Variants in WDR27 observed in about 807,000 individuals in gnomAD.
WDR27 encodes the protein WD repeat-containing protein 27.
WDR27 carries 100 observed loss-of-function variants against 114.4 expected under a neutral mutation model. The observed-to-expected ratio is 0.87, with a 90% CI of 0.74 to 1.03. The LOEUF is 1.03. Ranked by LOEUF, WDR27 falls within the 50% of genes least tolerant of loss-of-function variation. The probability of loss-of-function intolerance (pLI) is 0.00; values close to 1 mark genes in which losing one functional copy is unlikely to be tolerated. For missense variants in WDR27, 1,129 were observed against 1,092.9 expected (o/e 1.03, Z -0.47); for synonymous variants, 449 against 423.1 (o/e 1.06, Z -0.75).
At chr6:169,547,842 A>T (rs918868503) in intron 25 of WDR27, among the ~76,000 whole-genome samples, 1 of 152,066 alleles carries the variant, frequency 6.6e-6, no homozygotes, top group Non-Finnish European at 1.5e-5. Context: ...AGGTATACAG[A>T]TTGGTAAAGA....
At position 169,701,971 on chromosome 6, in the gene WDR27, C is replaced by T. The variant is rs1788207160; in HGVS notation, c.-428G>A. On this transcript the variant is annotated 5_prime_UTR_variant, in exon 1 of 26. Transcript: ENST00000448612. The stretch of plus-strand genomic sequence containing the variant: ...ACGCAGAGGACTACCGAGCCACACT[C>T]CGCCCCACGCTCGCCGCTATGGTTA... 7.6e-6 allele frequency: 3 copies of T among 395,662 alleles called. No homozygotes were observed. The highest frequency in any genetic ancestry group is 1.5e-5 in the Non-Finnish European group (3 of 194,346). The allele number at this position is 395,662 out of a possible 1,614,324, so 24.5% of individuals were successfully genotyped here. A position where few individuals can be genotyped will look rare whatever the true frequency, so the allele number is the denominator to read the frequency against.
intron 25 of WDR27, among the ~76,000 whole-genome samples, chr6:169,553,003 TGTGTGTGTGTG>T (rs1798375839): frequency 8.2e-6 from 1 of 121,982 alleles, no homozygotes; most frequent in Non-Finnish European, 1.8e-5. Flanking sequence ...TGTGTGTGTG[TGTGTGTGTGTG>T]TGTGTGTGTG....
intron 1 of WDR27, among the ~76,000 whole-genome samples, chr6:169,699,773 G>T (rs1174470007): frequency 1.3e-5 from 2 of 152,114 alleles, no homozygotes; most frequent in African/African-American, 4.8e-5. Flanking sequence ...CTTGAGCCCA[G>T]GAGTTCAAGA....
chr6:169,646,760 A>AG (rs1265618366), intron 16 of WDR27, among the ~76,000 whole-genome samples: 12 of 151,856 alleles, frequency 7.9e-5, no homozygotes, highest in Non-Finnish European at 1.6e-4. Flanking sequence ...AAAAAAAAAA[A>AG]AAAGAAAAGA....
intron 9 of WDR27, among the ~76,000 whole-genome samples, chr6:169,661,154 C>T (rs1399110345): frequency 2.0e-5 from 3 of 152,262 alleles, no homozygotes; most frequent in Non-Finnish European, 4.4e-5. Context: ...TGGTGATCCC[C>T]TGGGCACCTG....
chr6:169,690,506 G>A (rs1007346506), intron 1 of WDR27, among the ~76,000 whole-genome samples: 1 of 152,044 alleles, frequency 6.6e-6, no homozygotes, highest in African/African-American at 2.4e-5. Context: ...CATTCTCCAG[G>A]TCTCAGCAGA....
At chr6:169,697,648 A>C (rs1296293085) in intron 1 of WDR27, among the ~76,000 whole-genome samples, 1 of 152,142 alleles carries the variant, frequency 6.6e-6, no homozygotes, top group Non-Finnish European at 1.5e-5. Context: ...AAAGTACTAA[A>C]AGTCTCTAAT....
intron 25 of WDR27, among the ~76,000 whole-genome samples, chr6:169,504,119 TGTG>T (rs1305300902): frequency 6.6e-6 from 1 of 152,170 alleles, no homozygotes; most frequent in Non-Finnish European, 1.5e-5. Context: ...ATAAAACAAA[TGTG>T]GTAAAATATT....
At chr6:169,469,814 C>A (rs113356692) in intron 25 of WDR27, among the ~76,000 whole-genome samples, 1,782 of 152,334 alleles carry the variant, frequency 0.012, 39 homozygotes, top group African/African-American at 0.041. Flanking sequence ...GGTATAATCC[C>A]ATCTCTATTC....
At chr6:169,693,833 A>G (rs1313628320) in intron 1 of WDR27, among the ~76,000 whole-genome samples, 1 of 152,226 alleles carries the variant, frequency 6.6e-6, no homozygotes, top group Non-Finnish European at 1.5e-5. Context: ...AGAAGCTCCC[A>G]ACTTCATAAA....
chr6:169,654,758 C>A (rs568121327), intron 13 of WDR27, among the ~76,000 whole-genome samples: 230 of 149,232 alleles, frequency 1.5e-3, no homozygotes, highest in African/African-American at 5.6e-3. Flanking sequence ...CAGGGTTAGG[C>A]GGCGCGCACA....
At chr6:169,646,656 G>A (rs1449664038) in intron 16 of WDR27, among the ~76,000 whole-genome samples, 2 of 151,518 alleles carry the variant, frequency 1.3e-5, no homozygotes, top group Non-Finnish European at 2.9e-5. Flanking sequence ...GCTGAGGCAG[G>A]AGAATCACTT....
intron 2 of WDR27, among the ~76,000 whole-genome samples, chr6:169,687,356 T>C (rs1305394639): frequency 6.6e-6 from 1 of 151,930 alleles, no homozygotes; most frequent in African/African-American, 2.4e-5. Flanking sequence ...AAGCCTATAT[T>C]TATAATATAA....
chr6:169,600,689 C>T (rs1049525592), intron 23 of WDR27, among the ~76,000 whole-genome samples: 6 of 152,152 alleles, frequency 3.9e-5, no homozygotes, highest in Middle Eastern at 3.4e-3. Flanking sequence ...GTAGCTGATT[C>T]GATCAACTGG....
intron 21 of WDR27, among the ~76,000 whole-genome samples, chr6:169,626,443 G>A (rs556368881): frequency 1.3e-5 from 2 of 152,284 alleles, no homozygotes; most frequent in African/African-American, 4.8e-5. Flanking sequence ...GGGCCACACA[G>A]TGGGCGGTGG....
chr6:169,435,695 T>A, the WDR27 span, among the ~76,000 whole-genome samples: 7 of 152,368 alleles, frequency 4.6e-5, 1 homozygote, highest in East Asian at 7.7e-4. Context: ...TCCTATTGTA[T>A]CTTGGAAGTA....
intron 1 of WDR27, among the ~76,000 whole-genome samples, chr6:169,690,291 C>T (rs933022803): frequency 3.3e-5 from 5 of 152,320 alleles, no homozygotes; most frequent in East Asian, 1.9e-4. Flanking sequence ...AAAATCCACC[C>T]GTGTGCTCCT....
intron 2 of WDR27, among the ~76,000 whole-genome samples, chr6:169,685,057 C>G (rs780498867): frequency 1.3e-5 from 2 of 152,208 alleles, no homozygotes; most frequent in Non-Finnish European, 2.9e-5. Flanking sequence ...ATAAATGCCA[C>G]TAGTGTGGAT....
chr6:169,600,726 C>A (rs895610027), intron 23 of WDR27, among the ~76,000 whole-genome samples: 1 of 151,922 alleles, frequency 6.6e-6, no homozygotes, highest in Admixed American at 6.6e-5. Context: ...GATGGAAGAT[C>A]AAATGAATGA....
Sources: allele counts gnomAD v4.1 joint callset (sites outside exome capture counted in the v4.1 genomes callset), GRCh38; gene constraint gnomAD v4.1.1; transcripts MANE v1.5; gene names NCBI Gene and HGNC (gene_info 2026-07-23, HGNC 2026-07-21).